Variants in SLC30A2 observed in about 807,000 individuals in gnomAD.
SLC30A2 encodes proton-coupled zinc antiporter SLC30A2.
Under a neutral mutation model 39.6 loss-of-function variants are expected in SLC30A2, and 19 were observed. That is an observed-to-expected ratio of 0.48 (90% confidence interval 0.34 to 0.70). SLC30A2 has a LOEUF of 0.70. Ranked by LOEUF, SLC30A2 falls within the 30% of genes least tolerant of loss-of-function variation. The pLI is 0.01. For synonymous variants in SLC30A2, 195 were observed against 194.8 expected (o/e 1.00, Z -0.01); for missense variants, 387 against 479.4 (o/e 0.81, Z 1.80).
At chr1:26,042,820 T>A in intron 4 of SLC30A2, 112 bp from the exon 5 acceptor site, 1 of 974,256 alleles carries the variant, frequency 1.0e-6, no homozygotes, top group East Asian at 2.6e-5. Flanking sequence ...CCTTGTGATC[T>A]CTTTGGCCAT....
chr1:26,041,995 G>A (rs1201035777), intron 5 of SLC30A2, among the ~76,000 whole-genome samples, 190 bp from the exon 6 acceptor site: 2 of 152,186 alleles, frequency 1.3e-5, no homozygotes, highest in Non-Finnish European at 2.9e-5. Flanking sequence ...ACAGACCACA[G>A]TTCAGAATAA....
Position 26,043,490 on chromosome 1 carries a change from G to A in SLC30A2, c.480C>T (p.Tyr160=). The A allele has an allele frequency of 6.2e-7, 1 of 1,614,062 alleles. No homozygotes were observed. The highest frequency in any genetic ancestry group is 1.1e-5 in the South Asian group (1 of 91,062). The change falls in exon 4 of 8, where the codon TAC becomes TAT. Residue 160 remains tyrosine (Y), a synonymous_variant. Transcript: ENST00000374276. The part of the protein sequence containing the change: ...SIWVVTGVLV[Y]LAVERLISGD... ...CAGAGATCAGCCGCTCCACAGCCAG[G>A]TACACCAGTACCCCCGTCACGACCC... is the stretch of plus-strand genomic sequence containing the variant.
At position 26,043,495 on chromosome 1, in the gene SLC30A2, C is replaced by T; in HGVS notation, c.475G>A (p.Val159Met). ...ATCAGCCGCTCCACAGCCAGGTACACCAGTACCCCCGTCACGACCCAGATG... is the reference window on the plus strand; with the variant it reads ...ATCAGCCGCTCCACAGCCAGGTACATCAGTACCCCCGTCACGACCCAGATG... ...LSIWVVTGVL[V>M]YLAVERLISG... The change falls in exon 4 of 8, where the codon GTG becomes ATG. Residue 159 changes from valine (V) to methionine (M), a missense_variant. Coordinates refer to ENST00000374276, the MANE Select transcript of SLC30A2 (RefSeq NM_001004434.3). 6.2e-7 allele frequency: 1 copy of T among 1,614,026 alleles called. No homozygotes were observed. The highest frequency in any genetic ancestry group is 8.5e-7 in the Non-Finnish European group (1 of 1,179,912).
Position 26,044,341 on chromosome 1 carries a change from G to A in SLC30A2, c.375C>T (p.Ser125=). The A allele has an allele frequency of 6.2e-7, 1 of 1,614,048 alleles. No individual in the cohort carries two copies. The highest frequency in any genetic ancestry group is 8.5e-7 in the Non-Finnish European group (1 of 1,179,984). ...LISLFSLWMS[S]RPATKTMNFG... is the part of the protein sequence containing the mutation. ...AGTTCATGGTCTTGGTGGCTGGCCG[G>A]GAGGACATCCAGAGGGAGAAGAGGC... The change falls in exon 3 of 8, where the codon TCC becomes TCT. Residue 125 remains serine, a synonymous_variant. Transcript: ENST00000374276.
Position 26,045,234 on chromosome 1 carries a change from A to G in SLC30A2, c.51-17T>C, listed in dbSNP as rs1411377385. On this transcript the variant is annotated splice_polypyrimidine_tract_variant and intron_variant, in intron 1 of 7. Coordinates refer to ENST00000374276, the MANE Select transcript of SLC30A2 (RefSeq NM_001004434.3). ...GTGTATGACCTGGCCAGAGGGGAAG[A>G]GAGGGAACGCTCAGCTCTGAGATGA... 6.3e-7 allele frequency: 1 copy of G among 1,598,168 alleles called. No homozygotes were observed. Among genetic ancestry groups the G allele is most frequent in the South Asian group, 1.1e-5 (1 of 90,720 alleles).
intron 1 of SLC30A2, among the ~76,000 whole-genome samples, chr1:26,045,635 C>A (rs761526298): frequency 6.6e-6 from 1 of 152,178 alleles, no homozygotes; most frequent in African/African-American, 2.4e-5. Flanking sequence ...CCCCAGGCCC[C>A]CCGCGGGCAG....
intron 6 of SLC30A2, among the ~76,000 whole-genome samples, 174 bp downstream of exon 6, chr1:26,041,526 G>C (rs529332440): frequency 2.0e-4 from 30 of 152,304 alleles, no homozygotes; most frequent in African/African-American, 7.2e-4. Flanking sequence ...GAAAGCCCAG[G>C]CTCTATGTCA....
At position 26,039,251 on chromosome 1, in the gene SLC30A2, C is replaced by T; in HGVS notation, c.1028G>A (p.Gly343Glu). Residue 343 changes from glycine (G) to glutamate (E), a missense_variant, in exon 8 of 8, where the codon GGG (glycine) becomes GAG (glutamate). By Grantham distance (98) the Gly-to-Glu change is moderately conservative. Coordinates refer to ENST00000374276, the MANE Select transcript of SLC30A2 (RefSeq NM_001004434.3). The surrounding 1 kb of genome is among the most constrained non-coding windows in gnomAD (Gnocchi z 4.3). ...VLKTASSRLQ[G>E]KFHFHTVTIQ... ...GGTCACGGTGTGGAAGTGGAACTTC[C>T]CTTGGAGGCGGCTGCTGGCTGTCTT... 6.2e-7 allele frequency: 1 copy of T among 1,614,096 alleles called. No homozygotes were observed. The highest frequency in any genetic ancestry group is 8.5e-7 in the Non-Finnish European group (1 of 1,179,992).
At position 26,037,775 on chromosome 1, in the gene SLC30A2, C is replaced by T. The variant is rs984770727; in HGVS notation, c.*1385G>A. On this transcript the variant is annotated 3_prime_UTR_variant, in exon 8 of 8. Coordinates refer to ENST00000374276, the MANE Select transcript of SLC30A2 (RefSeq NM_001004434.3). ...AGGACCCACCTACCTAGAACACAGG[C>T]GATCAGGATGACAGTGCTGGGAAGG... is the stretch of plus-strand genomic sequence containing the variant. 12 of 152,204 alleles carry T rather than the reference C, an allele frequency of 7.9e-5. No individual in the cohort carries two copies. Among genetic ancestry groups the T allele is most frequent in the East Asian group, 1.9e-4 (1 of 5,194 alleles). The allele number at this position is 152,204 out of a possible 1,614,324, so 9.4% of individuals were successfully genotyped here. A position where few individuals can be genotyped will look rare whatever the true frequency, so the allele number is the denominator to read the frequency against.
intron 4 of SLC30A2, 81 bp from the exon 5 acceptor site, chr1:26,042,789 C>CA: frequency 1.5e-6 from 2 of 1,308,390 alleles, no homozygotes; most frequent in Non-Finnish European, 2.1e-6. Context: ...ACTTGTAGGG[C>CA]AAAAATCTCA....
intron 4 of SLC30A2, 43 bp from the exon 5 acceptor site, chr1:26,042,751 G>A: frequency 6.3e-7 from 1 of 1,590,596 alleles, no homozygotes; most frequent in Non-Finnish European, 8.6e-7. Flanking sequence ...TGAGGTCGCA[G>A]ATGGAGGTCA....
At position 26,042,587 on chromosome 1, in the gene SLC30A2, T is replaced by C. The variant is rs144129605; in HGVS notation, c.694A>G (p.Met232Val). The C allele has an allele frequency of 4.8e-5, 78 of 1,614,194 alleles. No individual in the cohort carries two copies. In the African/African-American group the frequency reaches 9.7e-4, roughly 20 times the overall value. Residue 232 changes from methionine (M) to valine (V), a missense_variant, in exon 5 of 8, where the codon ATG (methionine) becomes GTG (valine). Transcript: ENST00000374276. ...ATATAGGCTGCCACTAGGACACCCA[T>C]GCTCTGCATAAAGTCGCCGATCACA... ...IHVIGDFMQS[M>V]GVLVAAYILY... is the part of the protein sequence containing the mutation.
intron 2 of SLC30A2, 78 bp from the exon 3 acceptor site, chr1:26,044,522 G>C: frequency 7.1e-7 from 1 of 1,412,792 alleles, no homozygotes. Flanking sequence ...GAGACCACAG[G>C]CTCTGGAAGA....
intron 6 of SLC30A2, 143 bp from the exon 7 acceptor site, chr1:26,040,054 TC>T: frequency 1.4e-6 from 1 of 728,604 alleles, no homozygotes; most frequent in Non-Finnish European, 2.3e-6. Context: ...TGCCTTCACC[TC>T]CCAAGGTCTC....
rs2050369976 is a variant in SLC30A2 at position 26,039,102 on chromosome 1, A to G, written c.*58T>C. The G allele has an allele frequency of 4.4e-6, 7 of 1,586,242 alleles. No homozygotes were observed. The South Asian group carries it at 6.7e-5, about 15-fold the overall frequency. On this transcript the variant is annotated 3_prime_UTR_variant, in exon 8 of 8. Coordinates refer to ENST00000374276, the MANE Select transcript of SLC30A2 (RefSeq NM_001004434.3). The surrounding 1 kb of genome is among the most constrained non-coding windows in gnomAD (Gnocchi z 4.3). ...AAAGTCCTGGCTGGGCCTGGGGGAC[A>G]CTCAGTCCAGCCACCTGCAGGTCCT...
Position 26,044,422 on chromosome 1 carries a change from C to A in SLC30A2, c.294G>T (p.Leu98Phe). Residue 98 changes from leucine to phenylalanine, a missense_variant, in exon 3 of 8, where the codon TTG becomes TTT. Transcript: ENST00000374276. ...EVVGGYLAHS[L>F]AVMTDAAHLL... ...GGTGTGCTGCGTCAGTCATGACAGCCAAGCTGTGTGCCAGGTACCCACCTG... is the reference window on the plus strand; with the variant it reads ...GGTGTGCTGCGTCAGTCATGACAGCAAAGCTGTGTGCCAGGTACCCACCTG... The A allele has an allele frequency of 6.2e-7, 1 of 1,613,844 alleles. No homozygotes were observed. The highest frequency in any genetic ancestry group is 8.5e-7 in the Non-Finnish European group (1 of 1,179,930).
At chr1:26,044,535 AC>A in intron 2 of SLC30A2, 91 bp from the exon 3 acceptor site, 1 of 1,274,864 alleles carries the variant, frequency 7.8e-7, no homozygotes, top group Non-Finnish European at 1.1e-6. Flanking sequence ...CTGGAAGAGG[AC>A]ATTCTGGGCT....
Position 26,039,023 on chromosome 1 carries a change from G to C in SLC30A2, c.*137C>G. 1.0e-5 allele frequency: 15 copies of C among 1,433,098 alleles called. No homozygotes were observed. The highest frequency in any genetic ancestry group is 1.4e-5 in the Non-Finnish European group (15 of 1,090,954). 88.8% of individuals were successfully genotyped at this position (1,433,098 alleles called of 1,614,324 possible). A position where few individuals can be genotyped will look rare whatever the true frequency, so the allele number is the denominator to read the frequency against. On this transcript the variant is annotated 3_prime_UTR_variant, in exon 8 of 8. Coordinates refer to ENST00000374276, the MANE Select transcript of SLC30A2 (RefSeq NM_001004434.3). The surrounding 1 kb of genome is among the most constrained non-coding windows in gnomAD (Gnocchi z 4.3). The stretch of plus-strand genomic sequence containing the variant: ...GAGGCTGGGAAGAGCTCCATTCCTG[G>C]AGTGGGGCAGAGGTCAGGAGGGGGA...
chr1:26,045,843 T>A lies in SLC30A2; in HGVS notation c.50+4A>T, dbSNP rs767036181. 6.2e-7 allele frequency: 1 copy of A among 1,613,586 alleles called. No homozygotes were observed. Among genetic ancestry groups the A allele is most frequent in the Non-Finnish European group, 8.5e-7 (1 of 1,179,874 alleles). On this transcript the variant is annotated splice_donor_region_variant and intron_variant, in intron 1 of 7. Transcript: ENST00000374276. ...TCCCGCCCGTCCCCAGGCTCTCGCC[T>A]TACCGGATTGCCGGCCTGGCGTCCA... is the stretch of plus-strand genomic sequence containing the variant.
Sources: allele counts gnomAD v4.1 joint callset (sites outside exome capture counted in the v4.1 genomes callset), GRCh38; gene constraint gnomAD v4.1.1; non-coding constraint Gnocchi (gnomAD v3.1); transcripts MANE v1.5; gene names NCBI Gene and HGNC (gene_info 2026-07-23, HGNC 2026-07-21).